Variants in BRINP3 observed in about 807,000 individuals in gnomAD.
The protein encoded by BRINP3 is BMP/retinoic acid-inducible neural-specific protein 3.
BRINP3 carries 19 observed loss-of-function variants against 71.0 expected under a neutral mutation model. The observed-to-expected ratio is 0.27, with a 90% CI of 0.19 to 0.39. The LOEUF is 0.39. Among genes scored for constraint, BRINP3 ranks in the 10% least tolerant of loss-of-function variants. The pLI is 1.00. For missense variants in BRINP3, 959 were observed against 940.8 expected (o/e 1.02, Z -0.25); for synonymous variants, 380 against 337.7 (o/e 1.13, Z -1.37).
rs189797731 is a variant in BRINP3 at position 190,364,509 on chromosome 1, G to T, written c.237-82759C>A. 7.9e-5 allele frequency among the ~76,000 whole-genome samples: 12 copies of T among 152,080 alleles called. No individual in the cohort carries two copies. In the East Asian group the frequency reaches 1.7e-3, roughly 22 times the overall value. On this transcript the variant is annotated intron_variant, in intron 2 of 7. Coordinates refer to ENST00000367462, the MANE Select transcript of BRINP3 (RefSeq NM_199051.3). ...GAACTTGGCAATCAAAAGCTAAGGA[G>T]CAGAAGAACATCAAACAGTCTTGCC...
At chr1:190,415,527 A>G (rs1571993458) in intron 2 of BRINP3, among the ~76,000 whole-genome samples, 1 of 152,188 alleles carries the variant, frequency 6.6e-6, no homozygotes, top group African/African-American at 2.4e-5. Context: ...TCTAAATATA[A>G]TTGTTACTTT....
rs12046547 is a variant in BRINP3, at chr1:190,115,525, G to A, written c.1185-16391C>T. 1.2e-3 allele frequency among the ~76,000 whole-genome samples: 189 copies of A among 152,124 alleles called. 2 individuals are homozygous for A. Among genetic ancestry groups the A allele is most frequent in the Admixed American group, 9.3e-3 (142 of 15,274 alleles). On this transcript the variant is annotated intron_variant, in intron 7 of 7. Transcript: ENST00000367462. ...TCTATAAATTGACAAATATTTCTAC[G>A]TCCCAGGTTTTCTACGGTATCTTTA... is the stretch of plus-strand genomic sequence containing the variant.
At chr1:190,208,613 G>A (rs1367282553) in intron 6 of BRINP3, among the ~76,000 whole-genome samples, 1 of 152,032 alleles carries the variant, frequency 6.6e-6, no homozygotes, top group East Asian at 1.9e-4. Context: ...TTGATCCTCA[G>A]CTTCCCTAGA....
At chr1:190,162,956 A>C (rs2102466603) in intron 6 of BRINP3, among the ~76,000 whole-genome samples, 1 of 152,232 alleles carries the variant, frequency 6.6e-6, no homozygotes, top group Middle Eastern at 3.4e-3. Context: ...TATGACAACA[A>C]ATATGAATAA....
chr1:190,154,072 T>C (rs1656655816), intron 7 of BRINP3: 6 of 963,150 alleles, frequency 6.2e-6, no homozygotes, highest in Non-Finnish European at 7.4e-6. Context: ...TTTTTTCAGT[T>C]ATGATTTTTA....
intron 2 of BRINP3, among the ~76,000 whole-genome samples, chr1:190,434,550 G>T (rs1335866215): frequency 6.6e-6 from 1 of 151,596 alleles, no homozygotes; most frequent in Non-Finnish European, 1.5e-5. Flanking sequence ...ATAATGATAG[G>T]CATTACACTA....
chr1:190,175,074 T>A (rs982958563), intron 6 of BRINP3, among the ~76,000 whole-genome samples: 1 of 152,138 alleles, frequency 6.6e-6, no homozygotes, highest in African/African-American at 2.4e-5. Context: ...TGCAGACTCC[T>A]GGCATTGTGT....
chr1:190,416,629 AATGAG>A (rs1385603688), intron 2 of BRINP3, among the ~76,000 whole-genome samples: 2 of 152,188 alleles, frequency 1.3e-5, no homozygotes, highest in African/African-American at 2.4e-5. Context: ...CTCTAACATA[AATGAG>A]ATAAGTAATA....
At chr1:190,137,438 TA>T (rs200761331) in intron 7 of BRINP3, among the ~76,000 whole-genome samples, 723 of 126,710 alleles carry the variant, frequency 5.7e-3, no homozygotes, top group Middle Eastern at 0.012. Context: ...AACCAAAGTT[TA>T]AAAAAAAAAA....
At chr1:190,287,407 C>T (rs1000478669) in intron 2 of BRINP3, among the ~76,000 whole-genome samples, 1 of 152,054 alleles carries the variant, frequency 6.6e-6, no homozygotes, top group Non-Finnish European at 1.5e-5. Context: ...TCCACTCTCC[C>T]TTTAGCCCCT....
At chr1:190,225,860 T>A (rs981641974) in intron 6 of BRINP3, among the ~76,000 whole-genome samples, 1 of 151,798 alleles carries the variant, frequency 6.6e-6, no homozygotes, top group Admixed American at 6.6e-5. Flanking sequence ...GACTAATACA[T>A]CAACTTAGGA....
At chr1:190,288,366 AT>A (rs1227737910) in intron 2 of BRINP3, among the ~76,000 whole-genome samples, 2 of 151,996 alleles carry the variant, frequency 1.3e-5, no homozygotes, top group Non-Finnish European at 2.9e-5. Context: ...TACAGAAGTA[AT>A]TCATTATCTT....
intron 2 of BRINP3, among the ~76,000 whole-genome samples, chr1:190,386,267 A>T (rs909049052): frequency 3.3e-5 from 5 of 151,542 alleles, no homozygotes; most frequent in African/African-American, 1.2e-4. Flanking sequence ...AAAATAATAA[A>T]AATAAACTAC....
At chr1:190,453,203 A>ATTTTGTTTTTTTTTT (rs1675745207) in intron 2 of BRINP3, among the ~76,000 whole-genome samples, 2 of 40,888 alleles carry the variant, frequency 4.9e-5, no homozygotes, top group Admixed American at 4.4e-4. Context: ...AAACTTTAGT[A>ATTTTGTTTTTTTTTT]TTTTTTTTTT....
At chr1:190,467,454 C>T (rs1021705987) in intron 1 of BRINP3, among the ~76,000 whole-genome samples, 7 of 151,434 alleles carry the variant, frequency 4.6e-5, no homozygotes, top group East Asian at 1.9e-4. Context: ...TTTCCAATTG[C>T]CTCCTTAACT....
chr1:190,438,940 A>G (rs903594032), intron 2 of BRINP3, among the ~76,000 whole-genome samples: 1 of 151,922 alleles, frequency 6.6e-6, no homozygotes, highest in African/African-American at 2.4e-5. Context: ...AAGATATTCC[A>G]CTAGTATTTT....
intron 3 of BRINP3, among the ~76,000 whole-genome samples, chr1:190,274,414 C>T (rs1662372581): frequency 6.6e-6 from 1 of 151,550 alleles, no homozygotes; most frequent in South Asian, 2.1e-4. Context: ...GGTCATTCAA[C>T]TTCCTTACAT....
At chr1:190,315,927 G>T (rs935609990) in intron 2 of BRINP3, among the ~76,000 whole-genome samples, 1 of 152,070 alleles carries the variant, frequency 6.6e-6, no homozygotes, top group Non-Finnish European at 1.5e-5. Flanking sequence ...GTTAGAAGTA[G>T]ATTTGTGACA....
At position 190,147,658 on chromosome 1, in the gene BRINP3, A is replaced by C. The variant is rs536514454; in HGVS notation, c.1184+13010T>G. Among the ~76,000 whole-genome samples, 3 of 152,362 alleles carry C rather than the reference A, an allele frequency of 2.0e-5. No individual in the cohort carries two copies. In the South Asian group the frequency reaches 6.2e-4, roughly 32 times the overall value. On this transcript the variant is annotated intron_variant, in intron 7 of 7. Coordinates refer to ENST00000367462, the MANE Select transcript of BRINP3 (RefSeq NM_199051.3). The stretch of plus-strand genomic sequence containing the variant: ...CCTTTCCAGTGAGGAAAACAAAACA[A>C]AACAAAATTCTTTTGCTGTCACAGT...
Sources: gnomAD v4.1 joint callset for allele counts (sites outside exome capture counted in the v4.1 genomes callset) on GRCh38, gnomAD v4.1.1 for gene constraint, MANE v1.5 for transcripts, NCBI Gene and HGNC (gene_info 2026-07-23, HGNC 2026-07-21) for gene names.